The following MIPOL1 variants were observed in gnomAD, a reference collection of about 807,000 sequenced individuals.
The protein encoded by MIPOL1 is mirror-image polydactyly gene 1 protein.
MIPOL1 carries 57 observed loss-of-function variants against 60.9 expected under a neutral mutation model. That is an observed-to-expected ratio of 0.94 (90% CI 0.76 to 1.17). MIPOL1 has a LOEUF of 1.17. Among genes scored for constraint, MIPOL1 ranks in the 50% most tolerant of loss-of-function variants. The pLI, the probability that MIPOL1 is intolerant of heterozygous loss-of-function variation, is 0.00. For missense variants in MIPOL1, 551 were observed against 511.6 expected (o/e 1.08, Z -0.74); for synonymous variants, 179 against 168.8 (o/e 1.06, Z -0.47).
rs1964607913 is a variant in MIPOL1 at position 37,197,996 on chromosome 14, G to C, written c.-307G>C. Reference sequence around the variant, plus strand: ...CGTCTGTGGGTGAGTCTCGAGCCAGGAGGCTCTGAGCCAGTGGCGATTGGC... The same window carrying C: ...CGTCTGTGGGTGAGTCTCGAGCCAGCAGGCTCTGAGCCAGTGGCGATTGGC... On this transcript the variant is annotated 5_prime_UTR_variant, in exon 1 of 13. Coordinates refer to ENST00000684589, the MANE Select transcript of MIPOL1 (RefSeq NM_001388067.1). 6.6e-6 allele frequency: 1 copy of C among 152,282 alleles called. No individual in the cohort carries two copies. The highest frequency in any genetic ancestry group is 1.5e-5 in the Non-Finnish European group (1 of 68,094). 9.4% of individuals were successfully genotyped at this position (152,282 alleles called of 1,614,324 possible).
intron 1 of MIPOL1, among the ~76,000 whole-genome samples, chr14:37,244,852 AAAAG>A: frequency 6.6e-6 from 1 of 152,148 alleles, no homozygotes; most frequent in South Asian, 2.1e-4. Flanking sequence ...TTTGTCCTAA[AAAAG>A]AAGTATAAAT....
At chr14:37,322,465 T>C (rs1000726077) in intron 9 of MIPOL1, among the ~76,000 whole-genome samples, 3 of 152,092 alleles carry the variant, frequency 2.0e-5, no homozygotes, top group Admixed American at 6.6e-5. Context: ...CCACATTTAT[T>C]TGTTTTACTC....
intron 12 of MIPOL1, among the ~76,000 whole-genome samples, chr14:37,534,125 A>G (rs1488159936): frequency 6.6e-6 from 1 of 151,756 alleles, no homozygotes; most frequent in Non-Finnish European, 1.5e-5. Context: ...GATGATGATG[A>G]TCTGAAATTC....
chr14:37,226,425 C>T (rs914785581), intron 1 of MIPOL1, among the ~76,000 whole-genome samples: 2 of 152,202 alleles, frequency 1.3e-5, no homozygotes, highest in African/African-American at 2.4e-5. Context: ...ATGAAAGGCA[C>T]GTCTCACAAG....
chr14:37,242,425 A>G lies in MIPOL1; in HGVS notation c.-198-4678A>G, dbSNP rs1483111203. 2.0e-5 allele frequency among the ~76,000 whole-genome samples: 3 copies of G among 152,122 alleles called. No homozygotes were observed. In the East Asian group the frequency reaches 5.8e-4, roughly 29 times the overall value. On this transcript the variant is annotated intron_variant, in intron 1 of 12. Transcript: ENST00000684589. Reference sequence around the variant, plus strand: ...TGCCTGTATTGTTTTGACCGAGGATATATTTGTATAGGAAATCTATTTGTC... The same window carrying G: ...TGCCTGTATTGTTTTGACCGAGGATGTATTTGTATAGGAAATCTATTTGTC...
chr14:37,247,753 T>G, intron 2 of MIPOL1, 76 bp from the exon 3 acceptor site: 6 of 746,988 alleles, frequency 8.0e-6, no homozygotes, highest in Non-Finnish European at 1.1e-5. Flanking sequence ...AAATTCTCTG[T>G]TAAACAAAGG....
chr14:37,457,371 C>T (rs540785400), intron 11 of MIPOL1, among the ~76,000 whole-genome samples: 5 of 152,312 alleles, frequency 3.3e-5, no homozygotes, highest in African/African-American at 1.2e-4. Context: ...TGAGAATAGA[C>T]ATGGCTTCAA....
chr14:37,345,686 C>T (rs916253466), intron 9 of MIPOL1, among the ~76,000 whole-genome samples: 1 of 152,098 alleles, frequency 6.6e-6, no homozygotes, highest in Non-Finnish European at 1.5e-5. Context: ...ATACTTGGAG[C>T]CCATATTCCA....
At chr14:37,270,292 G>T in intron 5 of MIPOL1, 128 bp from the exon 6 acceptor site, 2 of 428,148 alleles carry the variant, frequency 4.7e-6, no homozygotes. Context: ...ATTTTTTTCT[G>T]GAGTTATCTA....
At chr14:37,455,862 T>G (rs1249563112) in intron 11 of MIPOL1, among the ~76,000 whole-genome samples, 2 of 152,118 alleles carry the variant, frequency 1.3e-5, no homozygotes, top group Non-Finnish European at 2.9e-5. Context: ...TGATTTTAAT[T>G]TTTTAAATGT....
chr14:37,411,685 A>C (rs1251981553), intron 10 of MIPOL1, among the ~76,000 whole-genome samples: 1 of 152,168 alleles, frequency 6.6e-6, no homozygotes, highest in Non-Finnish European at 1.5e-5. Context: ...TTACAATAGC[A>C]GTTGTTTCTT....
intron 9 of MIPOL1, among the ~76,000 whole-genome samples, chr14:37,363,041 C>T (rs1216324726): frequency 6.6e-6 from 1 of 152,092 alleles, no homozygotes; most frequent in African/African-American, 2.4e-5. Flanking sequence ...AGATTCCTTG[C>T]CATGGGTTAG....
chr14:37,391,168 A>G (rs2093226135), intron 10 of MIPOL1, among the ~76,000 whole-genome samples: 1 of 151,692 alleles, frequency 6.6e-6, no homozygotes, highest in African/African-American at 2.4e-5. Context: ...CCTAGTTTAA[A>G]TATCTTTCAA....
chr14:37,380,089 A>T (rs1398084280), intron 10 of MIPOL1, among the ~76,000 whole-genome samples: 1 of 152,064 alleles, frequency 6.6e-6, no homozygotes, highest in Non-Finnish European at 1.5e-5. Flanking sequence ...TGCTAAACCA[A>T]ATGATCATGA....
At chr14:37,252,361 A>G (rs940385747) in intron 3 of MIPOL1, among the ~76,000 whole-genome samples, 5 of 151,880 alleles carry the variant, frequency 3.3e-5, no homozygotes, top group African/African-American at 1.2e-4. Flanking sequence ...GAATTCTTAC[A>G]TTTTTCAGTT....
chr14:37,277,767 T>C (rs1187369411), intron 6 of MIPOL1: 1 of 151,394 alleles, frequency 6.6e-6, no homozygotes, highest in Non-Finnish European at 1.5e-5. Flanking sequence ...TCTAGTAATT[T>C]TCTTAAGTAA....
chr14:37,362,722 C>T (rs1408943789), intron 9 of MIPOL1, among the ~76,000 whole-genome samples: 2 of 152,154 alleles, frequency 1.3e-5, no homozygotes, highest in Non-Finnish European at 2.9e-5. Flanking sequence ...TGGTTTCATT[C>T]TCCCCGTCAC....
chr14:37,214,593 G>T (rs1967268293), intron 1 of MIPOL1, among the ~76,000 whole-genome samples: 1 of 151,946 alleles, frequency 6.6e-6, no homozygotes, highest in African/African-American at 2.4e-5. Context: ...TCATTAGTTT[G>T]TAGCAATTAC....
At chr14:37,321,599 A>G (rs1830637160) in intron 9 of MIPOL1, among the ~76,000 whole-genome samples, 2 of 152,020 alleles carry the variant, frequency 1.3e-5, no homozygotes. Context: ...TAGACCAAAT[A>G]GGTTAATCGT....
Sources: allele counts gnomAD v4.1 joint callset (sites outside exome capture counted in the v4.1 genomes callset), GRCh38; gene constraint gnomAD v4.1.1; transcripts MANE v1.5; gene names NCBI Gene and HGNC (gene_info 2026-07-23, HGNC 2026-07-21).